PTPRG: variants seen among roughly 807,000 people sequenced by gnomAD.
PTPRG encodes the protein receptor-type tyrosine-protein phosphatase gamma.
Under a neutral mutation model 165.3 loss-of-function variants are expected in PTPRG, and 102 were observed. The observed-to-expected ratio is 0.62, with a 90% CI of 0.53 to 0.73. PTPRG has a LOEUF of 0.73. Ranked by LOEUF, PTPRG falls within the 30% of genes least tolerant of loss-of-function variation. The pLI is 0.00. For missense variants in PTPRG, 1,866 were observed against 1,861.4 expected, an observed-to-expected ratio of 1.00 and a Z score of -0.05; for synonymous variants, 675 against 669.5, an observed-to-expected ratio of 1.01 and a Z score of -0.13.
At chr3:61,738,100 T>C (rs568014383) in intron 1 of PTPRG, among the ~76,000 whole-genome samples, 19 of 149,650 alleles carry the variant, frequency 1.3e-4, no homozygotes, top group Non-Finnish European at 2.5e-4. Context: ...TTAGCAGAGA[T>C]GGGGTTTCAC....
intron 1 of PTPRG, among the ~76,000 whole-genome samples, chr3:61,600,351 A>G (rs1700828899): frequency 6.6e-6 from 1 of 152,032 alleles, no homozygotes; most frequent in Non-Finnish European, 1.5e-5. Flanking sequence ...ATTTCAGTCA[A>G]GCTCAGTGGG....
chr3:61,843,358 C>G (rs1250367303), intron 2 of PTPRG, among the ~76,000 whole-genome samples: 1 of 152,106 alleles, frequency 6.6e-6, no homozygotes, highest in African/African-American at 2.4e-5. Context: ...TATATACACA[C>G]ACATGTATAT....
intron 4 of PTPRG, among the ~76,000 whole-genome samples, chr3:62,010,681 T>C (rs1003819204): frequency 6.6e-6 from 1 of 152,176 alleles, no homozygotes; most frequent in Admixed American, 6.5e-5. Context: ...AAAATAAAAC[T>C]ATAAAGACAT....
rs1417444456 is a variant in PTPRG at position 62,296,214 on chromosome 3, GATT to G, written c.*2909_*2911del. ...AATTTCTGAATTTCAAAAAGAGTAA[GATT>G]AGCTAATTGGTCTTCCTAATTTTTA... On this transcript the variant is annotated 3_prime_UTR_variant, in exon 30 of 30. Transcript: ENST00000474889. The G allele has an allele frequency of 6.6e-6, 1 of 151,940 alleles. No homozygotes were observed. Among genetic ancestry groups the G allele is most frequent in the Non-Finnish European group, 1.5e-5 (1 of 67,956 alleles). The allele number at this position is 151,940 out of a possible 1,614,324, so 9.4% of individuals were successfully genotyped here.
At chr3:62,170,916 AG>A (rs1705191409) in intron 8 of PTPRG, among the ~76,000 whole-genome samples, 1 of 152,170 alleles carries the variant, frequency 6.6e-6, no homozygotes, top group African/African-American at 2.4e-5. Context: ...CTAGGATCTC[AG>A]GACTCCCCCA....
At chr3:61,954,486 A>T (rs2107630652) in intron 2 of PTPRG, among the ~76,000 whole-genome samples, 1 of 152,246 alleles carries the variant, frequency 6.6e-6, no homozygotes, top group East Asian at 1.9e-4. Flanking sequence ...GATGTTCTGT[A>T]TAGGGCTGGT....
intron 2 of PTPRG, among the ~76,000 whole-genome samples, chr3:61,886,959 G>A (rs751113470): frequency 4.0e-5 from 6 of 150,672 alleles, no homozygotes; most frequent in Non-Finnish European, 7.4e-5. Context: ...AGGTCAAACA[G>A]CGCACAGTGT....
At chr3:62,152,567 A>G (rs1704375086) in intron 6 of PTPRG, among the ~76,000 whole-genome samples, 1 of 152,352 alleles carries the variant, frequency 6.6e-6, no homozygotes, top group East Asian at 1.9e-4. Flanking sequence ...GTAATTAAGC[A>G]TTGCAAGCAC....
intron 2 of PTPRG, among the ~76,000 whole-genome samples, chr3:61,931,106 T>C (rs772016110): frequency 2.4e-4 from 37 of 152,284 alleles, no homozygotes; most frequent in Non-Finnish European, 4.3e-4. Context: ...GTGGGCCATG[T>C]GCTGTGGTTC....
intron 2 of PTPRG, among the ~76,000 whole-genome samples, chr3:61,827,231 A>G (rs1269670766): frequency 1.3e-5 from 2 of 152,238 alleles, no homozygotes; most frequent in African/African-American, 2.4e-5. Context: ...GCAAGAAAAC[A>G]TCTTGCTGTT....
At chr3:61,998,237 C>A (rs970687605) in intron 3 of PTPRG, among the ~76,000 whole-genome samples, 1 of 152,156 alleles carries the variant, frequency 6.6e-6, no homozygotes, top group East Asian at 1.9e-4. Context: ...TGTGACCTGA[C>A]CCACGCTTTG....
chr3:62,182,535 C>T (rs1190101534), intron 8 of PTPRG, among the ~76,000 whole-genome samples: 2 of 152,238 alleles, frequency 1.3e-5, no homozygotes, highest in African/African-American at 4.8e-5. Context: ...TGTGTGTTCT[C>T]CCACTGGGCT....
At chr3:61,774,779 T>C (rs1365901264) in intron 2 of PTPRG, among the ~76,000 whole-genome samples, 5 of 152,210 alleles carry the variant, frequency 3.3e-5, no homozygotes, top group Non-Finnish European at 7.3e-5. Context: ...CATCCACATA[T>C]GGCTATTGAG....
intron 5 of PTPRG, 105 bp downstream of exon 5, chr3:62,078,363 C>T (rs1701460975): frequency 1.5e-6 from 1 of 680,990 alleles, no homozygotes; most frequent in Non-Finnish European, 2.5e-6. Context: ...CTAGTTCACA[C>T]CTGTCCAAAT....
intron 1 of PTPRG, among the ~76,000 whole-genome samples, chr3:61,716,067 G>A (rs1022165330): frequency 6.6e-6 from 1 of 152,154 alleles, no homozygotes; most frequent in Non-Finnish European, 1.5e-5. Context: ...CAGAATCACA[G>A]GGAAGCTTCA....
chr3:61,871,944 C>G (rs2037597760), intron 2 of PTPRG, among the ~76,000 whole-genome samples: 1 of 152,174 alleles, frequency 6.6e-6, no homozygotes, highest in African/African-American at 2.4e-5. Context: ...ATGTCCTTCT[C>G]CAAGCCAAGC....
At chr3:62,090,718 C>G (rs1045773239) in intron 5 of PTPRG, among the ~76,000 whole-genome samples, 11 of 152,302 alleles carry the variant, frequency 7.2e-5, no homozygotes, top group African/African-American at 2.6e-4. Flanking sequence ...TCTGATAATT[C>G]TGCCAAGCAT....
At chr3:61,685,681 T>C (rs73099117) in intron 1 of PTPRG, among the ~76,000 whole-genome samples, 7,151 of 152,316 alleles carry the variant, frequency 0.047, 219 homozygotes, top group African/African-American at 0.085. Flanking sequence ...GTTGTACCCC[T>C]GCTAGGGCTA....
chr3:62,087,000 C>A (rs1368015012), intron 5 of PTPRG, among the ~76,000 whole-genome samples: 2 of 152,210 alleles, frequency 1.3e-5, no homozygotes, highest in African/African-American at 2.4e-5. Context: ...ATGTGAAAAT[C>A]TATTTAAATT....
Sources: allele counts gnomAD v4.1 joint callset (sites outside exome capture counted in the v4.1 genomes callset), GRCh38; gene constraint gnomAD v4.1.1; transcripts MANE v1.5; gene names NCBI Gene and HGNC (gene_info 2026-07-23, HGNC 2026-07-21).